WDR49: variants seen among roughly 807,000 people sequenced by gnomAD.
WDR49 encodes the protein WD repeat domain 49, also known as cilia- and flagella-associated protein 337.
Under a neutral mutation model 119.5 loss-of-function variants are expected in WDR49, and 107 were observed. That is an observed-to-expected ratio of 0.90 (90% confidence interval 0.77 to 1.05). WDR49 has a LOEUF of 1.05. Among genes scored for constraint, WDR49 ranks in the 50% least tolerant of loss-of-function variants. The pLI, the probability that WDR49 is intolerant of heterozygous loss-of-function variation, is 0.00. For synonymous variants in WDR49, 425 were observed against 418.8 expected, an observed-to-expected ratio of 1.01 and a Z score of -0.18; for missense variants, 1,240 against 1,220.5, an observed-to-expected ratio of 1.02 and a Z score of -0.24.
chr3:167,575,377 C>A (rs1714195706), intron 8 of WDR49: 2 of 771,424 alleles, frequency 2.6e-6, no homozygotes, highest in Non-Finnish European at 3.2e-6. Flanking sequence ...GGCTGCGGAG[C>A]GTCATTAAAC....
At chr3:167,585,402 G>C (rs76863219) in intron 7 of WDR49, among the ~76,000 whole-genome samples, 2 of 144,280 alleles carry the variant, frequency 1.4e-5, no homozygotes, top group Admixed American at 1.3e-4. Context: ...GTGTGTGTGT[G>C]TGTGTGTGTG....
chr3:167,494,841 A>C (rs1751288274), intron 18 of WDR49, among the ~76,000 whole-genome samples: 1 of 152,104 alleles, frequency 6.6e-6, no homozygotes, highest in Non-Finnish European at 1.5e-5. Context: ...ATGCAGAGTA[A>C]TGTTTTCTGC....
intron 16 of WDR49, among the ~76,000 whole-genome samples, chr3:167,516,032 C>G (rs1489081352): frequency 6.6e-6 from 1 of 152,150 alleles, no homozygotes; most frequent in Non-Finnish European, 1.5e-5. Flanking sequence ...CAGAAAGAAT[C>G]AATATCATGA....
intron 7 of WDR49, among the ~76,000 whole-genome samples, chr3:167,581,500 A>G (rs1271786736): frequency 6.6e-6 from 1 of 152,202 alleles, no homozygotes; most frequent in Non-Finnish European, 1.5e-5. Context: ...AATATTTCAA[A>G]CGAATTAAAA....
At chr3:167,655,226 C>CAGG (rs1345195624), upstream of WDR49, among the ~76,000 whole-genome samples, 3 of 152,142 alleles carry the variant, frequency 2.0e-5, no homozygotes, top group Admixed American at 1.3e-4. Context: ...TATTCACTAC[C>CAGG]AGGAGAACAG....
intron 16 of WDR49, among the ~76,000 whole-genome samples, chr3:167,519,470 T>C (rs1428253033): frequency 6.6e-6 from 1 of 152,188 alleles, no homozygotes; most frequent in Non-Finnish European, 1.5e-5. Flanking sequence ...AGGAATGAGA[T>C]AATGTCCTCT....
chr3:167,544,520 G>A (rs1462851029), intron 10 of WDR49, among the ~76,000 whole-genome samples: 1 of 151,978 alleles, frequency 6.6e-6, no homozygotes, highest in Admixed American at 6.6e-5. Flanking sequence ...GGACAAAATA[G>A]AGAACCCAGA....
chr3:167,588,634 G>A (rs779675799), intron 7 of WDR49, among the ~76,000 whole-genome samples: 18 of 152,028 alleles, frequency 1.2e-4, no homozygotes, highest in Non-Finnish European at 2.6e-4. Flanking sequence ...TTTAACTGGG[G>A]TAACATTGTA....
At chr3:167,624,677 A>G (rs1162413002) in intron 3 of WDR49, among the ~76,000 whole-genome samples, 2 of 152,070 alleles carry the variant, frequency 1.3e-5, no homozygotes, top group Non-Finnish European at 2.9e-5. Context: ...TTAAGATTCT[A>G]TATTGAGTAA....
intron 5 of WDR49, among the ~76,000 whole-genome samples, chr3:167,612,360 C>A (rs1351704441): frequency 1.3e-5 from 2 of 150,034 alleles, no homozygotes; most frequent in African/African-American, 4.9e-5. Flanking sequence ...GCTGAAAGTG[C>A]CTTCATCAAA....
intron 9 of WDR49, among the ~76,000 whole-genome samples, chr3:167,555,171 G>A (rs955431434): frequency 2.0e-5 from 3 of 152,134 alleles, no homozygotes; most frequent in Non-Finnish European, 4.4e-5. Flanking sequence ...GCAGAGAGAA[G>A]TTTAAAGTTG....
rs147022332 is a variant in WDR49, at chr3:167,588,555, A to G, written c.1276-12404T>C. Among the ~76,000 whole-genome samples, 3 of 152,280 alleles carry G rather than the reference A, an allele frequency of 2.0e-5. No individual in the cohort carries two copies. The East Asian group carries it at 5.8e-4, about 29-fold the overall frequency. ...CAATTTACATTCCTACCAACAATGCATGAGAATACCCTTTTATCCACATCC... is the reference window on the plus strand; with the variant it reads ...CAATTTACATTCCTACCAACAATGCGTGAGAATACCCTTTTATCCACATCC... On this transcript the variant is annotated intron_variant, in intron 7 of 18. Coordinates refer to ENST00000682715, the MANE Select transcript of WDR49 (RefSeq NM_001366157.1).
chr3:167,489,341 G>A (rs905439502), intron 18 of WDR49, among the ~76,000 whole-genome samples: 5 of 151,896 alleles, frequency 3.3e-5, no homozygotes, highest in African/African-American at 1.2e-4. Context: ...AGAGACCTGG[G>A]GACCCTATAA....
At chr3:167,504,904 G>T (rs912279734) in intron 17 of WDR49, among the ~76,000 whole-genome samples, 5 of 152,012 alleles carry the variant, frequency 3.3e-5, no homozygotes, top group African/African-American at 1.2e-4. Flanking sequence ...ACTCCCTCTT[G>T]CTCCTGCTGT....
At chr3:167,549,145 A>G (rs1237771644) in intron 10 of WDR49, among the ~76,000 whole-genome samples, 2 of 152,212 alleles carry the variant, frequency 1.3e-5, no homozygotes. Flanking sequence ...TAGTGCCACA[A>G]TAAACATACG....
intron 16 of WDR49, among the ~76,000 whole-genome samples, chr3:167,512,838 A>G (rs1298526836): frequency 2.0e-5 from 3 of 152,238 alleles, no homozygotes; most frequent in Admixed American, 2.0e-4. Flanking sequence ...TGAATAGTCC[A>G]CACGGAGGAC....
chr3:167,602,403 CTGTTTTGCCATTGT>C, intron 6 of WDR49, 128 bp from the exon 7 acceptor site: 1 of 804,382 alleles, frequency 1.2e-6, no homozygotes, highest in South Asian at 3.1e-5. Flanking sequence ...ACTAATGCAC[CTGTTTTGCCATTGT>C]CTAACTAGAC....
At chr3:167,581,221 T>C (rs79001529) in intron 7 of WDR49, among the ~76,000 whole-genome samples, 3,795 of 152,246 alleles carry the variant, frequency 0.025, 161 homozygotes, top group African/African-American at 0.086. Context: ...TGCATAATCT[T>C]TATCTTCTTT....
chr3:167,541,635 AAAC>A (rs1411443401), intron 10 of WDR49, among the ~76,000 whole-genome samples: 2 of 152,174 alleles, frequency 1.3e-5, no homozygotes, highest in African/African-American at 2.4e-5. Context: ...CACAGTGGAA[AAAC>A]AACAACAACA....
Sources: gnomAD v4.1 joint callset for allele counts (sites outside exome capture counted in the v4.1 genomes callset) on GRCh38, gnomAD v4.1.1 for gene constraint, MANE v1.5 for transcripts, NCBI Gene and HGNC (gene_info 2026-07-23, HGNC 2026-07-21) for gene names.